The following PJA2 variants were observed in gnomAD, a reference collection of about 807,000 sequenced individuals.
The protein encoded by PJA2 is E3 ubiquitin-protein ligase Praja-2.
Under a neutral mutation model 69.3 loss-of-function variants are expected in PJA2, and 25 were observed. The observed-to-expected ratio is 0.36, with a 90% CI of 0.26 to 0.50. The LOEUF (loss-of-function observed/expected upper bound fraction) is 0.50, where lower values mean the gene tolerates loss of function less well. Among genes scored for constraint, PJA2 ranks in the 20% least tolerant of loss-of-function variants. The pLI is 0.96. For synonymous variants in PJA2, 308 were observed against 277.8 expected, an observed-to-expected ratio of 1.11 and a Z score of -1.08; for missense variants, 809 against 830.2, an observed-to-expected ratio of 0.97 and a Z score of 0.31.
chr5:109,341,392 C>T (rs1200275139), intron 9 of PJA2, among the ~76,000 whole-genome samples: 1 of 144,192 alleles, frequency 6.9e-6, no homozygotes, highest in African/African-American at 2.6e-5. Flanking sequence ...AGTGAGGAGA[C>T]CCTCTGCCGG....
At chr5:109,348,082 A>C (rs1299898363) in intron 7 of PJA2, among the ~76,000 whole-genome samples, 1 of 152,218 alleles carries the variant, frequency 6.6e-6, no homozygotes, top group Non-Finnish European at 1.5e-5. Context: ...CTGTAGTGGC[A>C]TCACAATTAA....
At chr5:109,344,420 G>T in intron 8 of PJA2, 109 bp from the exon 9 acceptor site, 1 of 1,199,838 alleles carries the variant, frequency 8.3e-7, no homozygotes, top group Non-Finnish European at 1.1e-6. Flanking sequence ...GAAAGAGCCA[G>T]TCTTTGACCA....
In PJA2 at chr5:109,355,975, A is replaced by G. The variant is rs777339998; in HGVS notation, c.1704T>C (p.Tyr568=). ...TGTAGGTAAGGAACTGAGGATCCAC[A>G]TATGAAATAGCTTCAGCAACTCCTA... ...DGLGVAEAIS[Y]VDPQFLTYMA... is the part of the protein sequence containing the mutation. The change falls in exon 7 of 10, where the codon TAT becomes TAC. Residue 568 remains tyrosine, a synonymous_variant. Coordinates refer to ENST00000361189, the MANE Select transcript of PJA2 (RefSeq NM_014819.5). 1.1e-5 allele frequency: 17 copies of G among 1,613,792 alleles called. No homozygotes were observed. The highest frequency in any genetic ancestry group is 1.4e-5 in the Non-Finnish European group (16 of 1,179,926).
Position 109,383,426 on chromosome 5 carries a change from T to A in PJA2, c.8A>T (p.Gln3Leu). MS[Q>L]YTEKEPAAMD... ...ACCTGCTGGCTCCTTTTCAGTGTAC[T>A]GTGACATATATGGCAGCGTCTGTGT... Residue 3 changes from glutamine to leucine, a missense_variant, in exon 2 of 10, where the codon CAG (glutamine) becomes CTG (leucine). By Grantham distance (113) the Gln-to-Leu change is moderately radical. This residue lies in a region of PJA2 where 700 missense variants were observed against 639.5 expected (regional missense o/e 1.09). Coordinates refer to ENST00000361189, the MANE Select transcript of PJA2 (RefSeq NM_014819.5). 6.2e-7 allele frequency: 1 copy of A among 1,612,932 alleles called. No individual in the cohort carries two copies. Among genetic ancestry groups the A allele is most frequent in the Non-Finnish European group, 8.5e-7 (1 of 1,179,236 alleles).
At position 109,336,657 on chromosome 5, in the gene PJA2, G is replaced by C. The variant is rs1317223873; in HGVS notation, c.*574C>G. 6.6e-6 allele frequency: 1 copy of C among 152,106 alleles called. No individual in the cohort carries two copies. The highest frequency in any genetic ancestry group is 1.5e-5 in the Non-Finnish European group (1 of 68,026). The allele number at this position is 152,106 out of a possible 1,614,324, so 9.4% of individuals were successfully genotyped here. A position where few individuals can be genotyped will look rare whatever the true frequency, so the allele number is the denominator to read the frequency against. ...GTCTACGATTTAAAACTTTTGTAAT[G>C]TTCTGGCCAAAATTTTAGCCTTCAT... On this transcript the variant is annotated 3_prime_UTR_variant, in exon 10 of 10. Transcript: ENST00000361189.
intron 1 of PJA2, among the ~76,000 whole-genome samples, chr5:109,408,940 C>T (rs6862533): frequency 0.038 from 5,772 of 152,094 alleles, 112 homozygotes; most frequent in Middle Eastern, 0.051. Context: ...ATTAAGCCTG[C>T]AATGAAAATT....
At chr5:109,359,176 G>C (rs1762471417) in intron 6 of PJA2, among the ~76,000 whole-genome samples, 1 of 152,128 alleles carries the variant, frequency 6.6e-6, no homozygotes, top group Admixed American at 6.6e-5. Context: ...CTCTTTTTAT[G>C]ATTTTCTTAA....
At chr5:109,380,661 T>C (rs537941644) in intron 3 of PJA2, among the ~76,000 whole-genome samples, 3 of 151,142 alleles carry the variant, frequency 2.0e-5, no homozygotes, top group African/African-American at 4.9e-5. Context: ...ATACAAAAAT[T>C]AGGCGTGGAG....
intron 1 of PJA2, among the ~76,000 whole-genome samples, chr5:109,402,806 C>T (rs1017680490): frequency 2.5e-4 from 38 of 152,096 alleles, no homozygotes; most frequent in Non-Finnish European, 1.2e-4. Context: ...AAGAAAGAGA[C>T]ATGCAAAATC....
At chr5:109,352,894 G>A (rs1464539011) in intron 7 of PJA2, among the ~76,000 whole-genome samples, 2 of 147,062 alleles carry the variant, frequency 1.4e-5, no homozygotes, top group South Asian at 4.2e-4. Flanking sequence ...TATATCTATA[G>A]ACATCTATAT....
chr5:109,345,180 T>TA (rs60910860), intron 7 of PJA2, among the ~76,000 whole-genome samples: 1,651 of 103,928 alleles, frequency 0.016, 25 homozygotes, highest in East Asian at 0.062. Flanking sequence ...CCGTCTCTAG[T>TA]AAAAAAAAAA....
At position 109,337,319 on chromosome 5, in the gene PJA2, G is replaced by T. The variant is rs1289297343; in HGVS notation, c.2039C>A (p.Pro680His). The change falls in exon 10 of 10, where the codon CCT becomes CAT. Residue 680 changes from proline to histidine, a missense_variant. This residue lies in a region of PJA2 where 35 missense variants were observed against 37.0 expected (regional missense o/e 0.94). Coordinates refer to ENST00000361189, the MANE Select transcript of PJA2 (RefSeq NM_014819.5). ...AGCTGCAGATGCTTCAATAACCGCA[G>T]GTGGGAAATGACGGCGGCACACAGG... is the stretch of plus-strand genomic sequence containing the variant. ...TCPVCRRHFP[P>H]AVIEASAAPS... 1 of 1,612,992 alleles carries T rather than the reference G, an allele frequency of 6.2e-7. No homozygotes were observed. The highest frequency in any genetic ancestry group is 8.5e-7 in the Non-Finnish European group (1 of 1,179,698).
chr5:109,386,001 C>T (rs6872547), intron 1 of PJA2, among the ~76,000 whole-genome samples: 127,563 of 152,002 alleles, frequency 0.84, 54,306 homozygotes, highest in African/African-American at 0.96. Context: ...AATTATGGTG[C>T]CATATTGGCA....
At chr5:109,395,299 A>T (rs1370754162) in intron 1 of PJA2, among the ~76,000 whole-genome samples, 1 of 152,198 alleles carries the variant, frequency 6.6e-6, no homozygotes, top group Non-Finnish European at 1.5e-5. Context: ...TGGGATGAAG[A>T]AGGTGGATAG....
chr5:109,342,459 G>C (rs1238342202), intron 9 of PJA2, among the ~76,000 whole-genome samples: 2 of 67,688 alleles, frequency 3.0e-5, no homozygotes, highest in Admixed American at 1.4e-4. Flanking sequence ...CAGCCGCCCC[G>C]TCCGGGAGGG....
Position 109,383,528 on chromosome 5 carries a change from G to A in PJA2, c.-87-8C>T. The A allele has an allele frequency of 9.0e-6, 9 of 999,130 alleles. No homozygotes were observed. The highest frequency in any genetic ancestry group is 3.1e-5 in the South Asian group (2 of 64,390). 61.9% of individuals were successfully genotyped at this position (999,130 alleles called of 1,614,324 possible). On this transcript the variant is annotated splice_polypyrimidine_tract_variant and splice_region_variant and intron_variant, in intron 1 of 9. Transcript: ENST00000361189. The stretch of plus-strand genomic sequence containing the variant: ...ACAAGCCGCAGAAGATTCCTACAAA[G>A]AAACAATGAATTGAACAATATATTA...
intron 5 of PJA2, among the ~76,000 whole-genome samples, chr5:109,366,015 C>T (rs561572775): frequency 6.6e-6 from 1 of 152,236 alleles, no homozygotes; most frequent in East Asian, 1.9e-4. Flanking sequence ...CTAATTTATT[C>T]CCATTTTTTA....
chr5:109,368,823 T>C (rs1367053338), intron 4 of PJA2, 77 bp from the exon 5 acceptor site: 15 of 1,427,946 alleles, frequency 1.1e-5, no homozygotes, highest in African/African-American at 1.4e-5. Context: ...CTAGATGATA[T>C]GGTTTGGATC....
intron 1 of PJA2, among the ~76,000 whole-genome samples, chr5:109,401,018 C>T (rs1415698307): frequency 6.6e-6 from 1 of 151,410 alleles, no homozygotes; most frequent in Non-Finnish European, 1.5e-5. Flanking sequence ...ACAAAAAAAC[C>T]AAATGACACA....
Sources: allele counts gnomAD v4.1 joint callset (sites outside exome capture counted in the v4.1 genomes callset), GRCh38; gene constraint gnomAD v4.1.1; regional missense constraint gnomAD v4.1.1; transcripts MANE v1.5; gene names NCBI Gene and HGNC (gene_info 2026-07-23, HGNC 2026-07-21).